The following ABL1 variants were observed in gnomAD, a reference collection of about 807,000 sequenced individuals.
ABL1 encodes the protein tyrosine-protein kinase ABL1.
A neutral mutation model predicts 94.7 loss-of-function variants in ABL1; 11 were observed. The ratio of observed to expected loss-of-function variants is 0.12; its 90% CI spans 0.07 to 0.19. ABL1 has a LOEUF of 0.19. Among genes scored for constraint, ABL1 ranks in the 10% least tolerant of loss-of-function variants. ABL1 has a pLI of 1.00. For missense variants in ABL1, 1,082 were observed against 1,489.4 expected (o/e 0.73, Z 4.50); for synonymous variants, 656 against 622.4 (o/e 1.05, Z -0.80).
chr9:130,854,692 A>G, intron 2 of ABL1, 109 bp from the exon 3 acceptor site: 2 of 1,138,426 alleles, frequency 1.8e-6, no homozygotes, highest in Non-Finnish European at 2.5e-6. Flanking sequence ...TTAAAATGAA[A>G]TTGGTATTTA....
Position 130,884,635 on chromosome 9 carries a change from C to T in ABL1, c.2345C>T (p.Pro782Leu), listed in dbSNP as rs754674216. ...SDQVTRGTVT[P>L]PPRLVKKNEE... is the part of the protein sequence containing the mutation. ...CAGGTGACCCGAGGCACAGTAACGC[C>T]TCCCCCCAGGCTGGTGAAAAAGAAT... The change falls in exon 11 of 11, where the codon CCT becomes CTT. Residue 782 changes from proline to leucine, a missense_variant. Pro to Leu is a moderately conservative substitution (Grantham distance 98). Around this residue, in one of 7 missense-constraint regions of ABL1, gnomAD observed 780 missense variants for 835.8 expected, o/e 0.93. Transcript: ENST00000318560. This position sits in a 1 kb window ranked among gnomAD's most constrained non-coding sequence, Gnocchi z 5.6. 25 of 1,613,222 alleles carry T rather than the reference C, an allele frequency of 1.5e-5. No individual in the cohort carries two copies. The highest frequency in any genetic ancestry group is 1.9e-5 in the Non-Finnish European group (22 of 1,180,032).
chr9:130,830,148 CATTA>C (rs1446801760), intron 1 of ABL1, among the ~76,000 whole-genome samples: 2 of 151,976 alleles, frequency 1.3e-5, no homozygotes, highest in Non-Finnish European at 2.9e-5. Context: ...ATACTAATAC[CATTA>C]ATTTTCTCCT....
In ABL1 at chr9:130,855,091, G is replaced by A. The variant is rs143666455; in HGVS notation, c.544G>A (p.Gly182Ser). Reference protein sequence around the residue: ...YHYRINTASDGKLYVSSESRF... With the variant: ...YHYRINTASDSKLYVSSESRF... ...TTACAGGATCAACACTGCTTCTGATGGCAAGGTAGGGGACCCTTGGCAGGG... is the reference window on the plus strand; with the variant it reads ...TTACAGGATCAACACTGCTTCTGATAGCAAGGTAGGGGACCCTTGGCAGGG... Residue 182 changes from glycine (G) to serine (S), a missense_variant, in exon 3 of 11, where the codon GGC (glycine) becomes AGC (serine). Gly to Ser is a moderately conservative substitution (Grantham distance 56, BLOSUM62 0). Transcript: ENST00000318560. 65 of 1,612,696 alleles carry A rather than the reference G, an allele frequency of 4.0e-5. No individual in the cohort carries two copies. Among genetic ancestry groups the A allele is most frequent in the Non-Finnish European group, 5.3e-5 (63 of 1,179,084 alleles).
rs559650118 is a variant in ABL1, at chr9:130,863,435, G to C, written c.822+400G>C. Among the ~76,000 whole-genome samples the C allele has an allele frequency of 1.3e-5, 2 of 152,304 alleles. No homozygotes were observed. The highest frequency in any genetic ancestry group is 4.1e-4 in the South Asian group (2 of 4,820). On this transcript the variant is annotated intron_variant, in intron 4 of 10. Transcript: ENST00000318560. This position sits in a 1 kb window ranked among gnomAD's most constrained non-coding sequence, Gnocchi z 4.3. ...TTTTGAAAGAAGATTTAACCAAAAT[G>C]CATTTGACTCTTCTGTGGATTTTTG... is the stretch of plus-strand genomic sequence containing the variant.
At chr9:130,824,186 C>T (rs1588253958) in intron 1 of ABL1, among the ~76,000 whole-genome samples, 1 of 152,118 alleles carries the variant, frequency 6.6e-6, no homozygotes, top group Admixed American at 6.5e-5. Context: ...TGCTCTCTGC[C>T]AGATGGAGAC....
At chr9:130,860,687 G>A (rs533664121) in intron 3 of ABL1, among the ~76,000 whole-genome samples, 16 of 152,328 alleles carry the variant, frequency 1.1e-4, no homozygotes, top group African/African-American at 3.1e-4. Context: ...GATGGGAGTG[G>A]TGCTCTGATT....
intron 1 of ABL1, among the ~76,000 whole-genome samples, chr9:130,784,242 T>A (rs1418418682): frequency 6.6e-6 from 1 of 152,224 alleles, no homozygotes; most frequent in Non-Finnish European, 1.5e-5. Flanking sequence ...TGAAGAAGTA[T>A]AATATTCTAC....
chr9:130,773,348 T>C (rs538699789), intron 1 of ABL1, among the ~76,000 whole-genome samples: 2 of 151,732 alleles, frequency 1.3e-5, no homozygotes, highest in South Asian at 4.2e-4. Flanking sequence ...AAAAAATAAA[T>C]AAAAAATAAA....
chr9:130,885,625 A>G lies in ABL1; in HGVS notation c.3335A>G (p.Gln1112Arg). The change falls in exon 11 of 11, where the codon CAG becomes CGG. Residue 1112 changes from glutamine to arginine, a missense_variant. Gln to Arg is a conservative substitution (Grantham distance 43). This residue lies in a region of ABL1 where 780 missense variants were observed against 835.8 expected (regional missense o/e 0.93). Coordinates refer to ENST00000318560, the MANE Select transcript of ABL1 (RefSeq NM_005157.6). ...GCAGGCAGTGGTCCAGCGGCCACTC[A>G]GGACTTCAGCAAGCTCCTCAGTTCG... Reference protein sequence around the residue: ...ATAGSGPAATQDFSKLLSSVK... With the variant: ...ATAGSGPAATRDFSKLLSSVK... The G allele has an allele frequency of 6.2e-7, 1 of 1,613,332 alleles. No homozygotes were observed. Among genetic ancestry groups the G allele is most frequent in the Non-Finnish European group, 8.5e-7 (1 of 1,179,866 alleles).
chr9:130,824,306 T>G (rs1239541987), intron 1 of ABL1, among the ~76,000 whole-genome samples: 3 of 152,180 alleles, frequency 2.0e-5, no homozygotes, highest in Admixed American at 6.5e-5. Context: ...AGAAGATCCA[T>G]GTCCCAGCTC....
intron 1 of ABL1, among the ~76,000 whole-genome samples, chr9:130,822,714 A>G (rs1251672926): frequency 3.9e-5 from 6 of 151,976 alleles, no homozygotes; most frequent in East Asian, 1.9e-4. Flanking sequence ...TGACCTGTCA[A>G]TTCAAATCTT....
intron 1 of ABL1, among the ~76,000 whole-genome samples, chr9:130,756,813 G>T (rs1832046894): frequency 6.6e-6 from 1 of 152,162 alleles, no homozygotes; most frequent in Non-Finnish European, 1.5e-5. Context: ...CTATAAGAAG[G>T]TTTTGGAGAA....
At chr9:130,877,831 G>C (rs34489018) in intron 7 of ABL1, among the ~76,000 whole-genome samples, 1 of 124,512 alleles carries the variant, frequency 8.0e-6, no homozygotes, top group African/African-American at 3.5e-5. Context: ...TTTTGAGATG[G>C]AGTCTCGCTC....
intron 6 of ABL1, among the ~76,000 whole-genome samples, chr9:130,874,447 T>G (rs1564319451): frequency 6.6e-6 from 1 of 152,352 alleles, no homozygotes; most frequent in South Asian, 2.1e-4. Flanking sequence ...AGGACTGGGC[T>G]CAGTGTTTGT....
intron 1 of ABL1, among the ~76,000 whole-genome samples, chr9:130,744,141 G>GT (rs1018399359): frequency 2.7e-5 from 4 of 149,908 alleles, no homozygotes; most frequent in Admixed American, 1.3e-4. Flanking sequence ...AACCCTTCTT[G>GT]TTTTTTTCTT....
intron 1 of ABL1, among the ~76,000 whole-genome samples, chr9:130,746,025 A>G (rs1417660471): frequency 6.6e-6 from 1 of 152,164 alleles, no homozygotes; most frequent in African/African-American, 2.4e-5. Context: ...TCTCCTGGCC[A>G]AATAGAGAGA....
At chr9:130,733,575 C>CTTTTTTT (rs35185474) in intron 1 of ABL1, among the ~76,000 whole-genome samples, 8 of 103,188 alleles carry the variant, frequency 7.8e-5, no homozygotes, top group African/African-American at 2.2e-4. Flanking sequence ...CTGTAAAGCA[C>CTTTTTTT]TTTTTTTTTT....
Position 130,887,160 on chromosome 9 carries a change from C to T in ABL1, c.*1477C>T. On this transcript the variant is annotated 3_prime_UTR_variant, in exon 11 of 11. Transcript: ENST00000318560. The stretch of plus-strand genomic sequence containing the variant: ...GAGGCTTCACGCCGGGAGAAGCCAC[C>T]TTCCCACCCCTTCATACCGCCTCGT... The T allele has an allele frequency of 4.3e-6, 1 of 233,288 alleles. No individual in the cohort carries two copies. Among genetic ancestry groups the T allele is most frequent in the Non-Finnish European group, 8.5e-6 (1 of 118,042 alleles). 14.5% of individuals were successfully genotyped at this position (233,288 alleles called of 1,614,324 possible). A position where few individuals can be genotyped will look rare whatever the true frequency, so the allele number is the denominator to read the frequency against.
At chr9:130,795,746 A>T (rs1447236214) in intron 1 of ABL1, among the ~76,000 whole-genome samples, 2 of 152,236 alleles carry the variant, frequency 1.3e-5, no homozygotes, top group Admixed American at 1.3e-4. Flanking sequence ...TGGGATAGAC[A>T]TTTCTATTTT....
Sources: allele counts gnomAD v4.1 joint callset (sites outside exome capture counted in the v4.1 genomes callset), GRCh38; gene constraint gnomAD v4.1.1; regional missense constraint gnomAD v4.1.1; non-coding constraint Gnocchi (gnomAD v3.1); transcripts MANE v1.5; gene names NCBI Gene and HGNC (gene_info 2026-07-23, HGNC 2026-07-21).